Variants in DTWD2 observed in about 807,000 individuals in gnomAD.
The protein encoded by DTWD2 is DTW motif tRNA-uridine aminocarboxypropyltransferase 2.
A neutral mutation model predicts 31.8 loss-of-function variants in DTWD2; 39 were observed. The ratio of observed to expected loss-of-function variants is 1.22; its 90% CI spans 0.95 to 1.60. DTWD2 has a LOEUF of 1.60. Among genes scored for constraint, DTWD2 ranks in the 40% most tolerant of loss-of-function variants. DTWD2 has a pLI of 0.00. For synonymous variants in DTWD2, 180 were observed against 142.8 expected (o/e 1.26, Z -1.86); for missense variants, 515 against 381.5 (o/e 1.35, Z -2.92).
intron 4 of DTWD2, among the ~76,000 whole-genome samples, chr5:118,854,861 G>T (rs986086733): frequency 2.0e-5 from 3 of 152,006 alleles, no homozygotes; most frequent in Non-Finnish European, 2.9e-5. Context: ...TAGAAATATG[G>T]TTTTAATAAC....
At chr5:118,916,619 C>T (rs1339557273) in intron 4 of DTWD2, among the ~76,000 whole-genome samples, 2 of 149,904 alleles carry the variant, frequency 1.3e-5, no homozygotes, top group East Asian at 2.0e-4. Context: ...GAGTGGCAAT[C>T]GCACCATTGC....
At chr5:118,973,785 C>T in intron 1 of DTWD2, 6 of 1,611,382 alleles carry the variant, frequency 3.7e-6, no homozygotes, top group Non-Finnish European at 5.1e-6. Flanking sequence ...GGATCACCGG[C>T]GTGCCCCACC....
intron 2 of DTWD2, among the ~76,000 whole-genome samples, chr5:118,940,162 G>A (rs933886338): frequency 6.6e-6 from 1 of 152,138 alleles, no homozygotes; most frequent in Non-Finnish European, 1.5e-5. Context: ...GTTGACTGTC[G>A]TCAGTGGTTT....
At chr5:118,901,264 G>C (rs1753205805) in intron 4 of DTWD2, among the ~76,000 whole-genome samples, 1 of 152,092 alleles carries the variant, frequency 6.6e-6, no homozygotes, top group African/African-American at 2.4e-5. Context: ...AAAAAGGGGA[G>C]GGGAGAATTC....
chr5:118,913,532 A>T (rs1366517582), intron 4 of DTWD2, among the ~76,000 whole-genome samples: 1 of 151,224 alleles, frequency 6.6e-6, no homozygotes, highest in Non-Finnish European at 1.5e-5. Flanking sequence ...GATGTTAAGT[A>T]AGAATTATAT....
At chr5:118,893,699 G>A (rs1753023219) in intron 4 of DTWD2, among the ~76,000 whole-genome samples, 2 of 151,958 alleles carry the variant, frequency 1.3e-5, no homozygotes, top group African/African-American at 4.8e-5. Context: ...TCAGAAAGAG[G>A]AGACTGAAAA....
rs754203711 is a variant in DTWD2, at chr5:118,928,695, C to G, written c.439G>C (p.Gly147Arg). Residue 147 changes from glycine (G) to arginine (R), a missense_variant, in exon 4 of 6, where the codon GGT becomes CGT. Coordinates refer to ENST00000510708, the MANE Select transcript of DTWD2 (RefSeq NM_173666.4). ...PELSTVCRKS[G>R]TLILYPGAEA... Reference sequence around the variant, plus strand: ...GCCCCTGGATATAATATTAATGTACCAGACTTCCGGCAAACAGTTGAAAGT... The same window carrying G: ...GCCCCTGGATATAATATTAATGTACGAGACTTCCGGCAAACAGTTGAAAGT... 1.9e-5 allele frequency: 30 copies of G among 1,576,484 alleles called. No homozygotes were observed. The highest frequency in any genetic ancestry group is 2.3e-5 in the Non-Finnish European group (27 of 1,162,764).
At chr5:118,983,265 A>G (rs966874611) in intron 1 of DTWD2, among the ~76,000 whole-genome samples, 2 of 152,210 alleles carry the variant, frequency 1.3e-5, no homozygotes, top group African/African-American at 4.8e-5. Flanking sequence ...GGCACAGCCA[A>G]TAATACTGAG....
intron 3 of DTWD2, among the ~76,000 whole-genome samples, chr5:118,933,849 A>T (rs1487051604): frequency 6.6e-6 from 1 of 151,668 alleles, no homozygotes; most frequent in South Asian, 2.1e-4. Context: ...AGACCTAATC[A>T]TCTATGTAGA....
chr5:118,934,307 GAAT>G (rs1209207015), intron 3 of DTWD2, among the ~76,000 whole-genome samples: 2 of 49,902 alleles, frequency 4.0e-5, no homozygotes, highest in East Asian at 1.2e-3. Context: ...AAAAAGCAAA[GAAT>G]ATCTAAATAA....
In DTWD2 at chr5:118,836,845, A is replaced by T. The variant is rs575102037; in HGVS notation, c.*4072T>A. On this transcript the variant is annotated 3_prime_UTR_variant, in exon 6 of 6. Coordinates refer to ENST00000510708, the MANE Select transcript of DTWD2 (RefSeq NM_173666.4). ...CTGGCACCTTGATATTGTATTTCCC[A>T]GCCTCCAGACTTAGAAGAAATAAAT... Among the ~76,000 whole-genome samples the T allele has an allele frequency of 1.3e-5, 2 of 152,300 alleles. No individual in the cohort carries two copies. Among genetic ancestry groups the T allele is most frequent in the South Asian group, 4.1e-4 (2 of 4,828 alleles).
chr5:118,965,009 G>A (rs1754800454), intron 1 of DTWD2, among the ~76,000 whole-genome samples: 1 of 151,090 alleles, frequency 6.6e-6, no homozygotes, highest in South Asian at 2.1e-4. Context: ...ATCTCTGCCC[G>A]GCCGCCCATC....
At chr5:118,914,533 G>A (rs1753532035) in intron 4 of DTWD2, among the ~76,000 whole-genome samples, 1 of 151,998 alleles carries the variant, frequency 6.6e-6, no homozygotes, top group Non-Finnish European at 1.5e-5. Context: ...CAAAATCCTT[G>A]ACTACAGTAA....
rs1751585716 is a variant in DTWD2 at position 118,836,939 on chromosome 5, G to A, written c.*3978C>T. On this transcript the variant is annotated 3_prime_UTR_variant, in exon 6 of 6. Coordinates refer to ENST00000510708, the MANE Select transcript of DTWD2 (RefSeq NM_173666.4). ...GCAGCCAGAATGGACTAAGACAGGA[G>A]TCAAGTGATCAGCACGGTGTAAAAA... Among the ~76,000 whole-genome samples the A allele has an allele frequency of 6.6e-6, 1 of 152,194 alleles. No homozygotes were observed. Among genetic ancestry groups the A allele is most frequent in the African/African-American group, 2.4e-5 (1 of 41,454 alleles).
chr5:118,972,301 C>A (rs1452231821), intron 1 of DTWD2, among the ~76,000 whole-genome samples: 1 of 152,090 alleles, frequency 6.6e-6, no homozygotes, highest in Non-Finnish European at 1.5e-5. Context: ...TCACCACTGA[C>A]CACACAGAAA....
chr5:118,870,550 ATT>A (rs1466979572), intron 4 of DTWD2, among the ~76,000 whole-genome samples: 1 of 152,238 alleles, frequency 6.6e-6, no homozygotes, highest in Non-Finnish European at 1.5e-5. Flanking sequence ...ATGCAATAGC[ATT>A]TTGTCAAAAA....
At chr5:118,905,842 CA>C (rs1753316870) in intron 4 of DTWD2, among the ~76,000 whole-genome samples, 1 of 152,028 alleles carries the variant, frequency 6.6e-6, no homozygotes, top group African/African-American at 2.4e-5. Context: ...TTTTTAACAT[CA>C]TGTATATGAC....
chr5:118,879,678 T>C (rs989668149), intron 4 of DTWD2, among the ~76,000 whole-genome samples: 2 of 151,450 alleles, frequency 1.3e-5, no homozygotes, highest in Admixed American at 1.3e-4. Context: ...CTAAAGGCCC[T>C]TATCCTTAGT....
intron 3 of DTWD2, among the ~76,000 whole-genome samples, chr5:118,933,731 G>A (rs1165285193): frequency 6.6e-6 from 1 of 151,912 alleles, no homozygotes; most frequent in Non-Finnish European, 1.5e-5. Flanking sequence ...AACAAAACAA[G>A]GATGTCCTCT....
Sources: allele counts gnomAD v4.1 joint callset (sites outside exome capture counted in the v4.1 genomes callset), GRCh38; gene constraint gnomAD v4.1.1; transcripts MANE v1.5; gene names NCBI Gene and HGNC (gene_info 2026-07-23, HGNC 2026-07-21).